The following MYO10 variants were observed in gnomAD, a reference collection of about 807,000 sequenced individuals.
MYO10 encodes myosin X.
A neutral mutation model predicts 257.3 loss-of-function variants in MYO10; 133 were observed. The observed-to-expected ratio is 0.52, with a 90% CI of 0.45 to 0.60. MYO10 has a LOEUF of 0.60. MYO10 is among the 20% of genes least tolerant of loss of function. The probability of loss-of-function intolerance (pLI) is 0.00; values close to 1 mark genes in which losing one functional copy is unlikely to be tolerated. For synonymous variants in MYO10, 1,104 were observed against 1,028.6 expected, an observed-to-expected ratio of 1.07 and a Z score of -1.40; for missense variants, 2,399 against 2,635.7, an observed-to-expected ratio of 0.91 and a Z score of 1.97.
Position 16,794,660 on chromosome 5 carries a change from C to G in MYO10, c.453G>C (p.Gln151His). 6.2e-7 allele frequency: 1 copy of G among 1,610,782 alleles called. No individual in the cohort carries two copies. Among genetic ancestry groups the G allele is most frequent in the Non-Finnish European group, 8.5e-7 (1 of 1,178,468 alleles). The change falls in exon 4 of 41, where the codon CAG (glutamine) becomes CAC (histidine). Residue 151 changes from glutamine to histidine, a missense_variant. By Grantham distance (24) the Gln-to-His change is conservative. This residue lies in a region of MYO10 where 242 missense variants were observed against 249.5 expected (regional missense o/e 0.97). Transcript: ENST00000513610. Reference protein sequence around the residue: ...YRCLWKRHDNQCILISGESGA... With the variant: ...YRCLWKRHDNHCILISGESGA... ...AGCCCCGTTACCTGATGAGGATGCA[C>G]TGGTTGTCGTGGCGCTTCCACAGGC...
At chr5:16,795,094 C>G (rs56693473) in intron 3 of MYO10, among the ~76,000 whole-genome samples, 3,950 of 151,384 alleles carry the variant, frequency 0.026, 155 homozygotes, top group East Asian at 0.19. Context: ...TCCCCAGGCC[C>G]AGATCCCTGC....
rs769475711 is a variant in MYO10 at position 16,758,104 on chromosome 5, C to A, written c.1848+14G>T. ...GTAACGACGGATTCCTCTAAGCCAG[C>A]AGTGAAAACGAACCTTGAACTGTGA... On this transcript the variant is annotated intron_variant, in intron 18 of 40. Transcript: ENST00000513610. The A allele has an allele frequency of 6.4e-7, 1 of 1,560,680 alleles. No homozygotes were observed. Among genetic ancestry groups the A allele is most frequent in the South Asian group, 1.1e-5 (1 of 89,990 alleles).
rs183392001 is a variant in MYO10, at chr5:16,929,172, C to G, written c.21+6616G>C. 1.1e-3 allele frequency among the ~76,000 whole-genome samples: 172 copies of G among 151,898 alleles called. 1 individual carries two copies. The highest frequency in any genetic ancestry group is 4.0e-3 in the African/African-American group (165 of 41,450). The stretch of plus-strand genomic sequence containing the variant: ...GTTTCACCGTGTTAGCCAGGATGGT[C>G]TCCATCTCCTGACCTCGTGATCCGC... On this transcript the variant is annotated intron_variant, in intron 1 of 40. Transcript: ENST00000513610.
At position 16,682,282 on chromosome 5, in the gene MYO10, T is replaced by C. The variant is rs115687879; in HGVS notation, c.4047-269A>G. 7.4e-3 allele frequency among the ~76,000 whole-genome samples: 1,123 copies of C among 152,318 alleles called. 5 individuals carry two copies. The highest frequency in any genetic ancestry group is 0.01 in the Non-Finnish European group (685 of 68,026). On this transcript the variant is annotated intron_variant, in intron 30 of 40. Transcript: ENST00000513610. Reference sequence around the variant, plus strand: ...TCATGCAAAACTTTCCAGATGAAACTCAGTTCCGGGAAGGCTAAACAAGGT... The same window carrying C: ...TCATGCAAAACTTTCCAGATGAAACCCAGTTCCGGGAAGGCTAAACAAGGT...
chr5:16,896,164 T>C (rs16869222), intron 1 of MYO10, among the ~76,000 whole-genome samples: 29,384 of 152,140 alleles, frequency 0.19, 4,104 homozygotes, highest in African/African-American at 0.39. Flanking sequence ...AAGCTCCCAA[T>C]AAGCTCTCAG....
chr5:16,852,657 G>C (rs990377332), intron 2 of MYO10, among the ~76,000 whole-genome samples: 10 of 151,702 alleles, frequency 6.6e-5, no homozygotes, highest in Admixed American at 5.9e-4. Flanking sequence ...AAAATTGAAT[G>C]AGGCCTGATC....
rs144728151 is a variant in MYO10 at position 16,807,167 on chromosome 5, C to G, written c.279+10842G>C. On this transcript the variant is annotated intron_variant, in intron 3 of 40. Transcript: ENST00000513610. The stretch of plus-strand genomic sequence containing the variant: ...CTCTCTCAAACACCTCGGCTAAATA[C>G]GGCAGTGACTTACTTCCTAAATCTT... 7.4e-4 allele frequency among the ~76,000 whole-genome samples: 112 copies of G among 152,310 alleles called. No individual in the cohort carries two copies. In the East Asian group the frequency reaches 0.011, roughly 14 times the overall value.
rs1310262281 is a variant in MYO10 at position 16,758,169 on chromosome 5, G to T, written c.1797C>A (p.Thr599=). The change falls in exon 18 of 41, where the codon ACC becomes ACA. Residue 599 remains threonine (T), a synonymous_variant. Coordinates refer to ENST00000513610, the MANE Select transcript of MYO10 (RefSeq NM_012334.3). ...EHVSSRNNQD[T]LKCGSKHRRP... ...GCCGATGTTTGCTTCCACATTTCAA[G>T]GTATCCTGGTTGTTGCGGCTTGAAA... 7 of 1,613,772 alleles carry T rather than the reference G, an allele frequency of 4.3e-6. No homozygotes were observed. The East Asian group carries it at 1.6e-4, about 36-fold the overall frequency.
At chr5:16,756,324 C>CT (rs1740527232) in intron 18 of MYO10, among the ~76,000 whole-genome samples, 1 of 152,162 alleles carries the variant, frequency 6.6e-6, no homozygotes, top group African/African-American at 2.4e-5. Context: ...CCTAGGCCTC[C>CT]TAAAGTGCTG....
chr5:16,813,668 A>G (rs1269917573), intron 3 of MYO10, among the ~76,000 whole-genome samples: 1 of 152,172 alleles, frequency 6.6e-6, no homozygotes, highest in East Asian at 1.9e-4. Context: ...TGACTAGATA[A>G]TGTCACATGG....
At chr5:16,919,451 A>G (rs1745920063) in intron 1 of MYO10, among the ~76,000 whole-genome samples, 1 of 151,252 alleles carries the variant, frequency 6.6e-6, no homozygotes, top group Non-Finnish European at 1.5e-5. Flanking sequence ...TCATGGAGCT[A>G]GAGCTCTCTG....
At chr5:16,865,626 T>C (rs1028079851) in intron 2 of MYO10, among the ~76,000 whole-genome samples, 2 of 151,788 alleles carry the variant, frequency 1.3e-5, no homozygotes, top group Non-Finnish European at 2.9e-5. Flanking sequence ...GCGTGACCAA[T>C]ATGGTGAAAC....
chr5:16,707,201 C>T (rs1738384910), intron 21 of MYO10, among the ~76,000 whole-genome samples: 1 of 152,222 alleles, frequency 6.6e-6, no homozygotes, highest in South Asian at 2.1e-4. Context: ...CCATGTGGAA[C>T]TGTGAGTCCA....
Position 16,889,461 on chromosome 5 carries a change from G to A in MYO10, c.22-11754C>T, listed in dbSNP as rs560843045. Among the ~76,000 whole-genome samples the A allele has an allele frequency of 4.9e-4, 72 of 145,658 alleles. 1 individual carries two copies. The highest frequency in any genetic ancestry group is 8.8e-4 in the Non-Finnish European group (59 of 66,884). Reference sequence around the variant, plus strand: ...AGGAAAGGAAAGGAAAGAAGGAAGGGGAAGGGAAGAAAAGAAAGAAGGAAG... The same window carrying A: ...AGGAAAGGAAAGGAAAGAAGGAAGGAGAAGGGAAGAAAAGAAAGAAGGAAG... On this transcript the variant is annotated intron_variant, in intron 1 of 40. Coordinates refer to ENST00000513610, the MANE Select transcript of MYO10 (RefSeq NM_012334.3).
chr5:16,704,592 C>T lies in MYO10; in HGVS notation c.2263G>A (p.Gly755Ser), dbSNP rs780794747. 5.6e-6 allele frequency: 9 copies of T among 1,613,704 alleles called. No individual in the cohort carries two copies. The highest frequency in any genetic ancestry group is 6.8e-6 in the Non-Finnish European group (8 of 1,179,860). Residue 755 changes from glycine to serine, a missense_variant, in exon 22 of 41, where the codon GGC (glycine) becomes AGC (serine). Transcript: ENST00000513610. ...AAMVIRAHVL[G>S]FLARKQYRKV... ...TGGGGTTCTTACCGTGCTAAGAAGC[C>T]CAAGACATGGGCCCGAATCACCATG... is the stretch of plus-strand genomic sequence containing the variant.
At chr5:16,729,162 T>G (rs1579918472) in intron 19 of MYO10, among the ~76,000 whole-genome samples, 1 of 152,208 alleles carries the variant, frequency 6.6e-6, no homozygotes, top group South Asian at 2.1e-4. Flanking sequence ...GATATTTATT[T>G]GTATTGGTGT....
chr5:16,720,927 G>A (rs778977322), intron 19 of MYO10, among the ~76,000 whole-genome samples: 1 of 152,146 alleles, frequency 6.6e-6, no homozygotes, highest in Non-Finnish European at 1.5e-5. Flanking sequence ...AATAAGAAAA[G>A]CCATTACATA....
At chr5:16,919,919 T>C (rs2126799708) in intron 1 of MYO10, among the ~76,000 whole-genome samples, 1 of 152,334 alleles carries the variant, frequency 6.6e-6, no homozygotes, top group South Asian at 2.1e-4. Context: ...AAGACCATCC[T>C]GGCCAACATG....
intron 2 of MYO10, among the ~76,000 whole-genome samples, chr5:16,872,817 A>G (rs1744490701): frequency 1.3e-5 from 2 of 152,348 alleles, no homozygotes; most frequent in African/African-American, 2.4e-5. Flanking sequence ...AGATCTTGTG[A>G]GACTTTTTCA....
Sources: gnomAD v4.1 joint callset for allele counts (sites outside exome capture counted in the v4.1 genomes callset) on GRCh38, gnomAD v4.1.1 for gene constraint, gnomAD v4.1.1 regional missense constraint, MANE v1.5 for transcripts, NCBI Gene and HGNC (gene_info 2026-07-23, HGNC 2026-07-21) for gene names.